The following EAPP variants were observed in gnomAD, a reference collection of about 807,000 sequenced individuals.
EAPP encodes E2F-associated phosphoprotein.
Under a neutral mutation model 34.3 loss-of-function variants are expected in EAPP, and 38 were observed. That is an observed-to-expected ratio of 1.11 (90% CI 0.85 to 1.45). The LOEUF is 1.45. Ranked by LOEUF, EAPP falls within the 40% of genes most tolerant of loss-of-function variation. EAPP has a pLI of 0.00. For synonymous variants in EAPP, 113 were observed against 117.6 expected, an observed-to-expected ratio of 0.96 and a Z score of 0.25; for missense variants, 338 against 343.7, an observed-to-expected ratio of 0.98 and a Z score of 0.13.
At chr14:34,517,694 G>A (rs189371678) in intron 5 of EAPP, among the ~76,000 whole-genome samples, 14 of 151,778 alleles carry the variant, frequency 9.2e-5, no homozygotes, top group South Asian at 2.1e-4. Context: ...CTTCTGGCTT[G>A]TTTGTTTGGG....
At chr14:34,537,667 C>T (rs954903433) in intron 1 of EAPP, among the ~76,000 whole-genome samples, 1 of 152,196 alleles carries the variant, frequency 6.6e-6, no homozygotes, top group Non-Finnish European at 1.5e-5. Flanking sequence ...GGTGGATTCT[C>T]CAAGCTCAAG....
rs1382608254 is a variant in EAPP, at chr14:34,516,064, C to G, written c.*246G>C. 1 of 394,042 alleles carries G rather than the reference C, an allele frequency of 2.5e-6. No individual in the cohort carries two copies. The highest frequency in any genetic ancestry group is 4.5e-6 in the Non-Finnish European group (1 of 222,442). 24.4% of individuals were successfully genotyped at this position (394,042 alleles called of 1,614,324 possible). A position where few individuals can be genotyped will look rare whatever the true frequency, so the allele number is the denominator to read the frequency against. ...TACAGAGCTTTAATAAAAAGCCCGA[C>G]AGTTTCCAAATGTTCATCAAAAACA... On this transcript the variant is annotated 3_prime_UTR_variant, in exon 6 of 6. Transcript: ENST00000250454.
At chr14:34,522,451 G>A (rs1477719181) in intron 5 of EAPP, among the ~76,000 whole-genome samples, 4 of 152,070 alleles carry the variant, frequency 2.6e-5, no homozygotes, top group African/African-American at 9.7e-5. Flanking sequence ...TCCATTTGAA[G>A]AGGTCATGGT....
chr14:34,533,767 C>T (rs1439190651), intron 2 of EAPP, among the ~76,000 whole-genome samples: 2 of 152,192 alleles, frequency 1.3e-5, no homozygotes, highest in African/African-American at 4.8e-5. Context: ...TCTTCTCTCT[C>T]CCTTCCCACA....
At chr14:34,519,882 TTTC>T (rs1244352867) in intron 5 of EAPP, among the ~76,000 whole-genome samples, 1 of 149,048 alleles carries the variant, frequency 6.7e-6, no homozygotes, top group African/African-American at 2.6e-5. Flanking sequence ...GGTTCTTTCT[TTTC>T]TTTTTTTTTT....
rs371795376 is a variant in EAPP at position 34,533,543 on chromosome 14, T to C, written c.257-4A>G. On this transcript the variant is annotated splice_polypyrimidine_tract_variant and splice_region_variant and intron_variant, in intron 2 of 5. Coordinates refer to ENST00000250454, the MANE Select transcript of EAPP (RefSeq NM_018453.4). ...TTTCCATTTCCTGAGGAAGATCCTATTCAAACCAGAAGTAAAGTTTACAGA... is the reference window on the plus strand; with the variant it reads ...TTTCCATTTCCTGAGGAAGATCCTACTCAAACCAGAAGTAAAGTTTACAGA... The C allele has an allele frequency of 1.2e-4, 190 of 1,567,546 alleles. 2 individuals carry two copies. In the African/African-American group the frequency reaches 2.4e-3, roughly 20 times the overall value.
chr14:34,526,081 G>A (rs1048058955), intron 4 of EAPP, among the ~76,000 whole-genome samples: 2 of 151,780 alleles, frequency 1.3e-5, no homozygotes, highest in African/African-American at 4.8e-5. Flanking sequence ...ATTGTGACAA[G>A]TGTACCAAAA....
intron 5 of EAPP, among the ~76,000 whole-genome samples, chr14:34,517,877 C>T (rs992247951): frequency 3.3e-5 from 5 of 150,844 alleles, no homozygotes; most frequent in Non-Finnish European, 7.4e-5. Flanking sequence ...CGGGTTCAAG[C>T]GATTCTCCTG....
chr14:34,534,258 G>A (rs942853302), intron 2 of EAPP, among the ~76,000 whole-genome samples: 1 of 151,356 alleles, frequency 6.6e-6, no homozygotes, highest in Admixed American at 6.6e-5. Flanking sequence ...TGACCTTCCC[G>A]AGTAGCTGGA....
chr14:34,520,192 CTTTCT>C (rs1382149153), intron 5 of EAPP, among the ~76,000 whole-genome samples: 9 of 143,210 alleles, frequency 6.3e-5, no homozygotes, highest in Admixed American at 5.7e-4. Flanking sequence ...TGGCCCAGTT[CTTTCT>C]TTTCTCTCTT....
rs373695356 is a variant in EAPP, at chr14:34,516,360, C to G, written c.808G>C (p.Asp270His). The change falls in exon 6 of 6, where the codon GAC becomes CAC. Residue 270 changes from aspartate to histidine, a missense_variant. Asp to His is a moderately conservative substitution (Grantham distance 81). Transcript: ENST00000250454. ...AAAAAATGAAAGACTTCATCCTTGT[C>G]GTAGACTGCCACTTCAGTGGAACAT... ...TECSTEVAVY[D>H]KDEVFHFFNV... is the part of the protein sequence containing the mutation. The G allele has an allele frequency of 1.4e-5, 23 of 1,613,828 alleles. No homozygotes were observed. Among genetic ancestry groups the G allele is most frequent in the Non-Finnish European group, 1.9e-5 (22 of 1,179,956 alleles).
At chr14:34,532,810 G>A (rs1207940087) in intron 3 of EAPP, among the ~76,000 whole-genome samples, 4 of 151,848 alleles carry the variant, frequency 2.6e-5, no homozygotes, top group African/African-American at 4.8e-5. Flanking sequence ...GAGTAGCCGG[G>A]ATTACAGGTG....
chr14:34,528,470 G>A (rs1268730489), intron 4 of EAPP, among the ~76,000 whole-genome samples: 1 of 134,202 alleles, frequency 7.5e-6, no homozygotes, highest in African/African-American at 3.0e-5. Flanking sequence ...CGTCCAGGCT[G>A]GAGTGGAGTG....
At chr14:34,529,813 C>G (rs1398702164) in intron 3 of EAPP, among the ~76,000 whole-genome samples, 1 of 152,044 alleles carries the variant, frequency 6.6e-6, no homozygotes, top group Non-Finnish European at 1.5e-5. Context: ...GTCAGGAGTT[C>G]GAGACCAGCC....
Position 34,516,496 on chromosome 14 carries a change from C to T in EAPP, c.672G>A (p.Glu224=). ...TATGGACCCGCCTTTTCTTCCTGTTCTCTGAGGCTTTATATCTTAGAACCT... is the reference window on the plus strand; with the variant it reads ...TATGGACCCGCCTTTTCTTCCTGTTTTCTGAGGCTTTATATCTTAGAACCT... ...KEEVLRYKAS[E]NRKKRRVHKK... The change falls in exon 6 of 6, where the codon GAG becomes GAA. Residue 224 remains glutamate (E), a synonymous_variant. Transcript: ENST00000250454. 2 of 1,614,156 alleles carry T rather than the reference C, an allele frequency of 1.2e-6. No individual in the cohort carries two copies. Among genetic ancestry groups the T allele is most frequent in the South Asian group, 1.1e-5 (1 of 91,090 alleles).
intron 4 of EAPP, among the ~76,000 whole-genome samples, chr14:34,525,331 T>C (rs1880059987): frequency 6.6e-6 from 1 of 152,050 alleles, no homozygotes; most frequent in Admixed American, 6.6e-5. Flanking sequence ...AACTTTACAG[T>C]AGAGAAAGTT....
intron 3 of EAPP, among the ~76,000 whole-genome samples, chr14:34,531,537 G>A (rs1594667772): frequency 6.6e-6 from 1 of 152,082 alleles, no homozygotes; most frequent in Non-Finnish European, 1.5e-5. Context: ...AGGAGGCAGA[G>A]CTTGCAGTGA....
intron 1 of EAPP, 81 bp downstream of exon 1, chr14:34,539,474 T>C: frequency 6.8e-7 from 1 of 1,465,628 alleles, no homozygotes; most frequent in South Asian, 1.1e-5. Flanking sequence ...CTGCGTAGGC[T>C]CGGCAGGCGC....
chr14:34,539,554 C>T lies in EAPP; in HGVS notation c.74+1G>A, dbSNP rs1880593409. ...GGGGCCAGGGTGGGGCGGGAGCCCA[C>T]CTGCTCAAAGCCGGCTCCTCGTCGC... On this transcript the variant is annotated splice_donor_variant, in intron 1 of 5. Coordinates refer to ENST00000250454, the MANE Select transcript of EAPP (RefSeq NM_018453.4). LOFTEE classifies it high-confidence loss of function. 1 of 1,605,780 alleles carries T rather than the reference C, an allele frequency of 6.2e-7. No homozygotes were observed. Among genetic ancestry groups the T allele is most frequent in the East Asian group, 2.2e-5 (1 of 44,840 alleles).
Sources: allele counts gnomAD v4.1 joint callset (sites outside exome capture counted in the v4.1 genomes callset), GRCh38; gene constraint gnomAD v4.1.1; transcripts MANE v1.5; gene names NCBI Gene and HGNC (gene_info 2026-07-23, HGNC 2026-07-21).